The following ACMSD variants were observed in gnomAD, a reference collection of about 807,000 sequenced individuals.
ACMSD encodes aminocarboxymuconate semialdehyde decarboxylase, also known as 2-amino-3-carboxymuconate-6-semialdehyde decarboxylase.
In ACMSD, 37 loss-of-function variants were observed where a neutral mutation model predicts 45.9. That is an observed-to-expected ratio of 0.81 (90% confidence interval 0.62 to 1.06). ACMSD has a LOEUF of 1.06. ACMSD is among the 50% of genes least tolerant of loss of function. The probability of loss-of-function intolerance (pLI) is 0.00; values close to 1 mark genes in which losing one functional copy is unlikely to be tolerated. For missense variants in ACMSD, 434 were observed against 420.9 expected, an observed-to-expected ratio of 1.03 and a Z score of -0.27; for synonymous variants, 138 against 148.8, an observed-to-expected ratio of 0.93 and a Z score of 0.53.
chr2:134,863,775 G>A (rs1431983297), intron 5 of ACMSD, 144 bp downstream of exon 5: 15 of 821,612 alleles, frequency 1.8e-5, no homozygotes, highest in African/African-American at 6.8e-5. Context: ...TAGGTAGAAG[G>A]TGTGGAAATA....
chr2:134,889,775 A>G (rs1689671432), intron 8 of ACMSD, among the ~76,000 whole-genome samples: 1 of 152,086 alleles, frequency 6.6e-6, no homozygotes, highest in African/African-American at 2.4e-5. Flanking sequence ...TAGCATAAGG[A>G]TACAGGAGTC....
intron 1 of ACMSD, among the ~76,000 whole-genome samples, chr2:134,843,991 C>T (rs1686932885): frequency 6.6e-6 from 1 of 152,254 alleles, no homozygotes; most frequent in South Asian, 2.1e-4. Context: ...CAGCCTTAAC[C>T]TCCCAAGACT....
chr2:134,891,598 G>A (rs539930225), intron 8 of ACMSD, among the ~76,000 whole-genome samples: 3 of 152,114 alleles, frequency 2.0e-5, no homozygotes, highest in African/African-American at 7.2e-5. Context: ...TATTGGTGAG[G>A]AAATGCAAAG....
In ACMSD at chr2:134,901,929, G is replaced by A. The variant is rs1000288226; in HGVS notation, c.*69G>A. ...TTTGTTTCTAAATATGTATCAACAG[G>A]TATCAACAAAATCCTATTTTGAACT... is the stretch of plus-strand genomic sequence containing the variant. On this transcript the variant is annotated 3_prime_UTR_variant, in exon 10 of 10. Transcript: ENST00000356140. The A allele has an allele frequency of 1.7e-6, 2 of 1,168,460 alleles. No individual in the cohort carries two copies. Among genetic ancestry groups the A allele is most frequent in the Non-Finnish European group, 2.4e-6 (2 of 817,234 alleles). 72.4% of individuals were successfully genotyped at this position (1,168,460 alleles called of 1,614,324 possible). A position where few individuals can be genotyped will look rare whatever the true frequency, so the allele number is the denominator to read the frequency against.
At chr2:134,875,114 C>A (rs1330180008) in intron 8 of ACMSD, among the ~76,000 whole-genome samples, 1 of 152,184 alleles carries the variant, frequency 6.6e-6, no homozygotes, top group African/African-American at 2.4e-5. Flanking sequence ...CATCCTCCCA[C>A]CTCAGCCTCC....
At chr2:134,856,255 A>G (rs1393950000) in intron 2 of ACMSD, among the ~76,000 whole-genome samples, 3 of 152,224 alleles carry the variant, frequency 2.0e-5, no homozygotes, top group South Asian at 2.1e-4. Context: ...AACTTGCTCA[A>G]GACCACATAG....
Position 134,863,630 on chromosome 2 carries a change from C to T in ACMSD, c.485C>T (p.Ala162Val), listed in dbSNP as rs148826882. 217 of 1,613,684 alleles carry T rather than the reference C, an allele frequency of 1.3e-4. 1 individual carries two copies. Among genetic ancestry groups the T allele is most frequent in the Admixed American group, 3.8e-4 (23 of 60,010 alleles). Residue 162 changes from alanine (A) to valine (V), a missense_variant and splice_region_variant, in exon 5 of 10, where the codon GCG (alanine) becomes GTG (valine). Transcript: ENST00000356140. ...GCGCAGGAGCTCTTTCCTGTCTATGCGGTGAGTAGCGGGGCTGCTCAGCCA... is the reference window on the plus strand; with the variant it reads ...GCGCAGGAGCTCTTTCCTGTCTATGTGGTGAGTAGCGGGGCTGCTCAGCCA... ...LNAQELFPVYAAAERLKCSLF... is the reference protein window; with the variant it reads ...LNAQELFPVYVAAERLKCSLF...
chr2:134,885,266 T>A (rs1372569494), intron 8 of ACMSD, among the ~76,000 whole-genome samples: 2 of 87,886 alleles, frequency 2.3e-5, no homozygotes, highest in Admixed American at 2.0e-4. Flanking sequence ...AATATATATA[T>A]AAATATATAT....
intron 8 of ACMSD, among the ~76,000 whole-genome samples, chr2:134,879,277 A>G (rs909656956): frequency 6.6e-6 from 1 of 152,166 alleles, no homozygotes; most frequent in African/African-American, 2.4e-5. Context: ...TCTAGTTTCC[A>G]ATCACATTTT....
At chr2:134,898,833 T>C (rs1473967098) in intron 9 of ACMSD, among the ~76,000 whole-genome samples, 1 of 152,134 alleles carries the variant, frequency 6.6e-6, no homozygotes, top group African/African-American at 2.4e-5. Context: ...ATTAAAAGGA[T>C]CCAAGGAATC....
At position 134,867,715 on chromosome 2, in the gene ACMSD, G is replaced by A. The variant is rs763235042; in HGVS notation, c.580+43G>A. 3.3e-6 allele frequency: 5 copies of A among 1,534,448 alleles called. No individual in the cohort carries two copies. The South Asian group carries it at 4.6e-5, about 14-fold the overall frequency. Reference sequence around the variant, plus strand: ...GTCTGGAACAGAGGACCAACTCTTGGGTTTTTCCAATCATCTATGGAAACC... The same window carrying A: ...GTCTGGAACAGAGGACCAACTCTTGAGTTTTTCCAATCATCTATGGAAACC... On this transcript the variant is annotated intron_variant, in intron 6 of 9. Coordinates refer to ENST00000356140, the MANE Select transcript of ACMSD (RefSeq NM_138326.3).
intron 1 of ACMSD, 43 bp downstream of exon 1, chr2:134,838,782 AG>A (rs1392608529): frequency 1.3e-6 from 2 of 1,489,330 alleles, no homozygotes; most frequent in South Asian, 2.3e-5. Flanking sequence ...AAACTTCTCC[AG>A]GGTTTCTCAA....
chr2:134,883,035 A>C (rs1181588838), intron 8 of ACMSD, among the ~76,000 whole-genome samples: 2 of 152,204 alleles, frequency 1.3e-5, no homozygotes, highest in Non-Finnish European at 2.9e-5. Context: ...TTTACTGCCT[A>C]ATAAGGAAAG....
chr2:134,842,672 C>T (rs1340969593), intron 1 of ACMSD, among the ~76,000 whole-genome samples: 1 of 152,182 alleles, frequency 6.6e-6, no homozygotes, highest in Non-Finnish European at 1.5e-5. Flanking sequence ...TGAATGAAGC[C>T]TTGTCCACTG....
chr2:134,863,450 G>A lies in ACMSD; in HGVS notation c.305G>A (p.Ser102Asn). 1 of 1,614,230 alleles carries A rather than the reference G, an allele frequency of 6.2e-7. No homozygotes were observed. Reference protein sequence around the residue: ...LCQLLNNDLASTVVSYPRRFV... With the variant: ...LCQLLNNDLANTVVSYPRRFV... ...CAGCTTTTAAACAACGACCTTGCCA[G>A]CACCGTTGTGAGCTACCCCAGGAGG... Residue 102 changes from serine to asparagine, a missense_variant, in exon 5 of 10, where the codon AGC becomes AAC. Physicochemically the swap from Ser to Asn is conservative, Grantham distance 46. Coordinates refer to ENST00000356140, the MANE Select transcript of ACMSD (RefSeq NM_138326.3).
intron 1 of ACMSD, among the ~76,000 whole-genome samples, chr2:134,841,276 A>G (rs1177053584): frequency 6.6e-6 from 1 of 152,178 alleles, no homozygotes; most frequent in Non-Finnish European, 1.5e-5. Context: ...ATGAGAGGCC[A>G]CCGTGGTCCC....
At chr2:134,885,911 A>G (rs1367814456) in intron 8 of ACMSD, among the ~76,000 whole-genome samples, 2 of 152,164 alleles carry the variant, frequency 1.3e-5, no homozygotes, top group East Asian at 3.8e-4. Context: ...GTCACATCAG[A>G]CCACAAAGTT....
At chr2:134,889,777 A>G (rs1433582282) in intron 8 of ACMSD, among the ~76,000 whole-genome samples, 1 of 152,076 alleles carries the variant, frequency 6.6e-6, no homozygotes, top group Non-Finnish European at 1.5e-5. Flanking sequence ...GCATAAGGAT[A>G]CAGGAGTCAA....
chr2:134,850,707 G>T (rs1559041463), intron 2 of ACMSD, among the ~76,000 whole-genome samples: 1 of 151,914 alleles, frequency 6.6e-6, no homozygotes, highest in Non-Finnish European at 1.5e-5. Context: ...CTCCTTTTTA[G>T]ATTCAAGCCA....
Sources: allele counts gnomAD v4.1 joint callset (sites outside exome capture counted in the v4.1 genomes callset), GRCh38; gene constraint gnomAD v4.1.1; transcripts MANE v1.5; gene names NCBI Gene and HGNC (gene_info 2026-07-23, HGNC 2026-07-21).